The following CAMK1D variants were observed in gnomAD, a reference collection of about 807,000 sequenced individuals.
CAMK1D encodes the protein calcium/calmodulin dependent protein kinase ID.
Under a neutral mutation model 47.7 loss-of-function variants are expected in CAMK1D, and 9 were observed. That is an observed-to-expected ratio of 0.19 (90% CI 0.11 to 0.33). The LOEUF is 0.33. CAMK1D is among the 10% of genes least tolerant of loss of function. The probability of loss-of-function intolerance (pLI) is 1.00; values close to 1 mark genes in which losing one functional copy is unlikely to be tolerated. For missense variants in CAMK1D, 291 were observed against 488.7 expected (o/e 0.60, Z 3.81); for synonymous variants, 184 against 184.9 (o/e 0.99, Z 0.04).
intron 1 of CAMK1D, among the ~76,000 whole-genome samples, chr10:12,398,642 C>T (rs1442070410): frequency 6.6e-6 from 1 of 152,114 alleles, no homozygotes; most frequent in Admixed American, 6.6e-5. Flanking sequence ...AGCCACCGTG[C>T]CCAGCCCAAA....
At chr10:12,661,997 G>A (rs997207888) in intron 2 of CAMK1D, among the ~76,000 whole-genome samples, 2 of 152,170 alleles carry the variant, frequency 1.3e-5, no homozygotes, top group African/African-American at 4.8e-5. Flanking sequence ...CCTTATGGAT[G>A]GGATGGTAAA....
At position 12,745,660 on chromosome 10, in the gene CAMK1D, T is replaced by C. The variant is rs181663356; in HGVS notation, c.300-15288T>C. On this transcript the variant is annotated intron_variant, in intron 3 of 10. Coordinates refer to ENST00000619168, the MANE Select transcript of CAMK1D (RefSeq NM_153498.4). ...TCTTGTTGCCCAGGCAGGAGTGCAA[T>C]GGTGTGATCTCAGCTCACCACAACC... 4.0e-3 allele frequency among the ~76,000 whole-genome samples: 610 copies of C among 151,450 alleles called. 3 individuals are homozygous for C. Among genetic ancestry groups the C allele is most frequent in the African/African-American group, 0.014 (590 of 41,188 alleles).
At chr10:12,502,248 A>G (rs1004410639) in intron 1 of CAMK1D, among the ~76,000 whole-genome samples, 4 of 152,180 alleles carry the variant, frequency 2.6e-5, no homozygotes, top group East Asian at 1.9e-4. Context: ...AAGGTATTCA[A>G]TGGTGCTGGG....
intron 3 of CAMK1D, among the ~76,000 whole-genome samples, chr10:12,746,186 A>C (rs1433778007): frequency 6.6e-6 from 1 of 151,884 alleles, no homozygotes; most frequent in Non-Finnish European, 1.5e-5. Context: ...AACACGGTGA[A>C]ACCCCGTCTC....
intron 1 of CAMK1D, among the ~76,000 whole-genome samples, chr10:12,545,046 TA>T (rs1836317386): frequency 6.6e-6 from 1 of 152,190 alleles, no homozygotes; most frequent in African/African-American, 2.4e-5. Flanking sequence ...CACCAGTTGG[TA>T]CAAGTATTAT....
At chr10:12,405,822 A>G (rs1214730721) in intron 1 of CAMK1D, among the ~76,000 whole-genome samples, 1 of 152,250 alleles carries the variant, frequency 6.6e-6, no homozygotes, top group Non-Finnish European at 1.5e-5. Context: ...TTAAACATTT[A>G]TTACAAGTAC....
intron 3 of CAMK1D, among the ~76,000 whole-genome samples, chr10:12,735,243 G>A (rs1027613982): frequency 1.9e-4 from 29 of 152,308 alleles, no homozygotes; most frequent in Non-Finnish European, 3.1e-4. Flanking sequence ...TTGGGAGGCC[G>A]AGGCGGGCGG....
intron 3 of CAMK1D, among the ~76,000 whole-genome samples, chr10:12,731,835 G>A (rs1834899806): frequency 6.6e-6 from 1 of 152,196 alleles, no homozygotes; most frequent in Non-Finnish European, 1.5e-5. Flanking sequence ...GAGGCTGCTT[G>A]ATGGTGAGAT....
chr10:12,609,277 A>G (rs1464710037), intron 2 of CAMK1D, among the ~76,000 whole-genome samples: 1 of 151,904 alleles, frequency 6.6e-6, no homozygotes, highest in Non-Finnish European at 1.5e-5. Flanking sequence ...TGTGTAGAGC[A>G]TCGCTCCCCA....
At chr10:12,408,844 CTTTCTTTTT>C (rs1839546260) in intron 1 of CAMK1D, among the ~76,000 whole-genome samples, 1 of 112,214 alleles carries the variant, frequency 8.9e-6, no homozygotes, top group Non-Finnish European at 1.9e-5. Context: ...TTCTTTCTTT[CTTTCTTTTT>C]TTTTTTTTTT....
intron 3 of CAMK1D, among the ~76,000 whole-genome samples, chr10:12,714,970 T>A (rs1834071953): frequency 6.6e-6 from 1 of 152,150 alleles, no homozygotes; most frequent in Admixed American, 6.5e-5. Flanking sequence ...CCTCAAGTCC[T>A]CTCTTCTAGC....
At chr10:12,636,179 C>T (rs1839507441) in intron 2 of CAMK1D, among the ~76,000 whole-genome samples, 1 of 152,090 alleles carries the variant, frequency 6.6e-6, no homozygotes, top group South Asian at 2.1e-4. Context: ...TATAAAATAC[C>T]CTTGGAGGTT....
chr10:12,636,629 T>TA (rs1240818005), intron 2 of CAMK1D, among the ~76,000 whole-genome samples: 6 of 151,988 alleles, frequency 3.9e-5, no homozygotes, highest in Non-Finnish European at 7.4e-5. Context: ...TGCCTGGCCT[T>TA]ATATGCAGTT....
chr10:12,739,704 G>A (rs552520688), intron 3 of CAMK1D, among the ~76,000 whole-genome samples: 3 of 152,150 alleles, frequency 2.0e-5, no homozygotes, highest in East Asian at 1.9e-4. Context: ...TTTTAGTTTC[G>A]TGTACTTTGT....
intron 1 of CAMK1D, among the ~76,000 whole-genome samples, chr10:12,472,853 A>G (rs1047759951): frequency 1.9e-4 from 29 of 152,000 alleles, no homozygotes; most frequent in East Asian, 9.6e-4. Flanking sequence ...ATCATTTTCT[A>G]TATGCAGGGC....
chr10:12,451,810 G>A (rs901909502), intron 1 of CAMK1D, among the ~76,000 whole-genome samples: 1 of 151,968 alleles, frequency 6.6e-6, no homozygotes, highest in South Asian at 2.1e-4. Flanking sequence ...GGTCAGAGAC[G>A]AAGTGGGACA....
chr10:12,407,610 T>C (rs546111026), intron 1 of CAMK1D, among the ~76,000 whole-genome samples: 1 of 152,328 alleles, frequency 6.6e-6, no homozygotes, highest in East Asian at 1.9e-4. Flanking sequence ...GCTCCTGCAA[T>C]ACAGTCTTCA....
intron 1 of CAMK1D, among the ~76,000 whole-genome samples, chr10:12,478,390 C>T (rs1304232025): frequency 6.6e-6 from 1 of 152,154 alleles, no homozygotes; most frequent in Admixed American, 6.5e-5. Flanking sequence ...CAGCCCCAAC[C>T]TCGTGGACTC....
intron 3 of CAMK1D, among the ~76,000 whole-genome samples, chr10:12,689,127 A>C (rs1289584385): frequency 2.6e-5 from 4 of 152,234 alleles, no homozygotes; most frequent in African/African-American, 4.8e-5. Context: ...CTTGGACTAA[A>C]CTGAAAGGAA....
Sources: gnomAD v4.1 joint callset for allele counts (sites outside exome capture counted in the v4.1 genomes callset) on GRCh38, gnomAD v4.1.1 for gene constraint, MANE v1.5 for transcripts, NCBI Gene and HGNC (gene_info 2026-07-23, HGNC 2026-07-21) for gene names.